NPLOC4: variants seen among roughly 807,000 people sequenced by gnomAD.
The protein encoded by NPLOC4 is NPL4 homolog, ubiquitin recognition factor.
NPLOC4 carries 18 observed loss-of-function variants against 80.6 expected under a neutral mutation model. The observed-to-expected ratio is 0.22, with a 90% confidence interval of 0.15 to 0.33. NPLOC4 has a LOEUF of 0.33. Among genes scored for constraint, NPLOC4 ranks in the 10% least tolerant of loss-of-function variants. The pLI, the probability that NPLOC4 is intolerant of heterozygous loss-of-function variation, is 1.00. For missense variants in NPLOC4, 540 were observed against 786.1 expected (o/e 0.69, Z 3.74); for synonymous variants, 313 against 301.5 (o/e 1.04, Z -0.39).
chr17:81,613,298 G>A lies in NPLOC4; in HGVS notation c.386+20C>T, dbSNP rs749834532. The A allele has an allele frequency of 6.2e-7, 1 of 1,601,284 alleles. No individual in the cohort carries two copies. Among genetic ancestry groups the A allele is most frequent in the African/African-American group, 1.3e-5 (1 of 74,248 alleles). On this transcript the variant is annotated intron_variant, in intron 4 of 16. Transcript: ENST00000331134. ...TAAGATCACCACAAGTAGGACCCTG[G>A]AATCTCATGGATCACTTACAGCTGT...
rs370550311 is a variant in NPLOC4, at chr17:81,596,156, G to A, written c.1080C>T (p.Asp360=). The change falls in exon 11 of 17, where the codon GAC becomes GAT. Residue 360 remains aspartate (D), a synonymous_variant. Coordinates refer to ENST00000331134, the MANE Select transcript of NPLOC4 (RefSeq NM_017921.4). ...TAACAAACTTGGATCCAAAATGTCC[G>A]TCTGGAGAGAGCCGGCACATGTTGG... ...KHPNMCRLSP[D]GHFGSKFVTA... 3.5e-5 allele frequency: 56 copies of A among 1,613,906 alleles called. No individual in the cohort carries two copies. Among genetic ancestry groups the A allele is most frequent in the Middle Eastern group, 1.6e-4 (1 of 6,062 alleles).
At chr17:81,595,259 C>G (rs554940412) in intron 11 of NPLOC4, among the ~76,000 whole-genome samples, 68 of 151,456 alleles carry the variant, frequency 4.5e-4, no homozygotes, top group Non-Finnish European at 5.9e-4. Context: ...CAAGGCAAAA[C>G]CCAGTCGCTA....
In NPLOC4 at chr17:81,559,353, G is replaced by C; in HGVS notation, c.1733C>G (p.Thr578Arg). ...ACAGGCCCACATGGCTGCAGTGGCC[G>C]TGTGTGTGGAGCCCCCGACGGCGCC... ...EYGAVGGSTHTATAAMWACQH... is the reference protein window; with the variant it reads ...EYGAVGGSTHRATAAMWACQH... The change falls in exon 17 of 17, where the codon ACG (threonine) becomes AGG (arginine). Residue 578 changes from threonine (T) to arginine (R), a missense_variant. Thr to Arg is a moderately conservative substitution (Grantham distance 71). Coordinates refer to ENST00000331134, the MANE Select transcript of NPLOC4 (RefSeq NM_017921.4). 2.5e-6 allele frequency: 4 copies of C among 1,607,758 alleles called. No individual in the cohort carries two copies. Among genetic ancestry groups the C allele is most frequent in the Non-Finnish European group, 3.4e-6 (4 of 1,177,496 alleles).
At chr17:81,563,713 G>C in intron 16 of NPLOC4, 1 of 311,976 alleles carries the variant, frequency 3.2e-6, no homozygotes, top group Non-Finnish European at 6.3e-6. Flanking sequence ...GCCAAAGTTT[G>C]AGACCAGTCT....
chr17:81,587,604 T>TG (rs1568133604), intron 12 of NPLOC4, among the ~76,000 whole-genome samples: 2 of 121,574 alleles, frequency 1.6e-5, no homozygotes, highest in Non-Finnish European at 3.3e-5. Flanking sequence ...CGTGAGCCAC[T>TG]GCGCCCAGCT....
At chr17:81,622,141 T>C (rs1463120776) in intron 3 of NPLOC4, 25 bp downstream of exon 3, 3 of 1,555,220 alleles carry the variant, frequency 1.9e-6, no homozygotes, top group Admixed American at 1.7e-5. Flanking sequence ...CCCCATTCCC[T>C]GCTTCCTCCT....
Position 81,622,039 on chromosome 17 carries a change from T to A in NPLOC4, c.209+127A>T, listed in dbSNP as rs918662656. ...TGGCAAGCAACACGGTCATGTGTAT[T>A]CTGGTCAGTTGATAAGACCATAATG... On this transcript the variant is annotated intron_variant, in intron 3 of 16. Coordinates refer to ENST00000331134, the MANE Select transcript of NPLOC4 (RefSeq NM_017921.4). 3.2e-5 allele frequency: 22 copies of A among 688,320 alleles called. No individual in the cohort carries two copies. In the African/African-American group the frequency reaches 3.9e-4, roughly 12 times the overall value. The allele number at this position is 688,320 out of a possible 1,614,324, so 42.6% of individuals were successfully genotyped here. A position where few individuals can be genotyped will look rare whatever the true frequency, so the allele number is the denominator to read the frequency against.
rs149342427 is a variant in NPLOC4 at position 81,585,284 on chromosome 17, G to T, written c.1281+3660C>A. Among the ~76,000 whole-genome samples the T allele has an allele frequency of 3.3e-5, 5 of 150,798 alleles. No homozygotes were observed. The South Asian group carries it at 6.3e-4, about 19-fold the overall frequency. On this transcript the variant is annotated intron_variant, in intron 12 of 16. Coordinates refer to ENST00000331134, the MANE Select transcript of NPLOC4 (RefSeq NM_017921.4). ...TCCATGATTCCTGGAGATGACCGAC[G>T]ACAGAGAAGCATCAAAGATTAAAAG...
chr17:81,635,783 C>T (rs942229429), intron 1 of NPLOC4, among the ~76,000 whole-genome samples: 1 of 152,144 alleles, frequency 6.6e-6, no homozygotes, highest in East Asian at 1.9e-4. Flanking sequence ...TTACTCTTCA[C>T]CCAATACTGC....
Position 81,567,810 on chromosome 17 carries a change from G to A in NPLOC4, c.1450-277C>T. ...AAGCTGACTCAGACTGGCCAGGTGT[G>A]GAGGCTAACACAGTAATTCCAGCAC... On this transcript the variant is annotated intron_variant, in intron 14 of 16. Coordinates refer to ENST00000331134, the MANE Select transcript of NPLOC4 (RefSeq NM_017921.4). This position sits in a 1 kb window ranked among gnomAD's most constrained non-coding sequence, Gnocchi z 4.5. 2.9e-6 allele frequency: 1 copy of A among 348,794 alleles called. No homozygotes were observed. 21.6% of individuals were successfully genotyped at this position (348,794 alleles called of 1,614,324 possible).
intron 3 of NPLOC4, among the ~76,000 whole-genome samples, chr17:81,615,102 T>TTCTTTTC (rs898716590): frequency 7.4e-6 from 1 of 135,916 alleles, no homozygotes; most frequent in Admixed American, 7.3e-5. Context: ...GTCTGTTTCT[T>TTCTTTTC]TTTTTTTTTT....
At chr17:81,630,953 A>G (rs1007294864) in intron 1 of NPLOC4, among the ~76,000 whole-genome samples, 6 of 151,566 alleles carry the variant, frequency 4.0e-5, no homozygotes, top group African/African-American at 1.5e-4. Flanking sequence ...CGGGCAGATC[A>G]CCTGAGGTCA....
At chr17:81,578,127 C>A (rs753396977) in intron 12 of NPLOC4, among the ~76,000 whole-genome samples, 1 of 152,202 alleles carries the variant, frequency 6.6e-6, no homozygotes, top group Non-Finnish European at 1.5e-5. Flanking sequence ...CGCCTCCAGA[C>A]CACCCCTCCT....
intron 1 of NPLOC4, among the ~76,000 whole-genome samples, chr17:81,633,127 C>CAAAAAAA (rs57190405): frequency 6.6e-5 from 7 of 105,710 alleles, no homozygotes; most frequent in East Asian, 2.4e-4. Flanking sequence ...GACTCCGTCT[C>CAAAAAAA]AAAAAAAAAA....
At chr17:81,593,537 CTA>C (rs1179403753) in intron 11 of NPLOC4, among the ~76,000 whole-genome samples, 2 of 152,046 alleles carry the variant, frequency 1.3e-5, no homozygotes, top group African/African-American at 4.8e-5. Flanking sequence ...CCTACATTAA[CTA>C]TGTTACCCAT....
rs1393982264 is a variant in NPLOC4, at chr17:81,617,989, C to T, written c.209+4177G>A. Among the ~76,000 whole-genome samples the T allele has an allele frequency of 7.2e-5, 11 of 152,254 alleles. No individual in the cohort carries two copies. In the South Asian group the frequency reaches 1.2e-3, roughly 17 times the overall value. On this transcript the variant is annotated intron_variant, in intron 3 of 16. Transcript: ENST00000331134. Reference sequence around the variant, plus strand: ...TGGTGCCCAGGCTGGAGTGCAGTGGCGTGATCTCGGCTCGCTACAACCTCT... The same window carrying T: ...TGGTGCCCAGGCTGGAGTGCAGTGGTGTGATCTCGGCTCGCTACAACCTCT...
Position 81,608,834 on chromosome 17 carries a change from C to CA in NPLOC4, c.436-13dup, listed in dbSNP as rs773505341. On this transcript the variant is annotated splice_polypyrimidine_tract_variant and intron_variant, in intron 5 of 16. Coordinates refer to ENST00000331134, the MANE Select transcript of NPLOC4 (RefSeq NM_017921.4). ...TCCTCATCGAATGGCTGCCAAGACA[C>CA]AGAGTAAGCGAGTGCAGTCTCACAC... is the stretch of plus-strand genomic sequence containing the variant. 1.3e-6 allele frequency: 2 copies of CA among 1,565,656 alleles called. No individual in the cohort carries two copies. The highest frequency in any genetic ancestry group is 4.7e-5 in the East Asian group (2 of 42,424).
chr17:81,575,348 G>A (rs764105395), intron 12 of NPLOC4, among the ~76,000 whole-genome samples: 38 of 152,268 alleles, frequency 2.5e-4, no homozygotes, highest in East Asian at 3.9e-4. Flanking sequence ...TGATCCACCC[G>A]CCTTGGCCTC....
chr17:81,569,146 G>T, intron 13 of NPLOC4, 35 bp from the exon 14 acceptor site: 1 of 1,451,576 alleles, frequency 6.9e-7, no homozygotes, highest in Non-Finnish European at 9.7e-7. Context: ...TGATAAATGA[G>T]GCTGAAAATG....
Sources: gnomAD v4.1 joint callset for allele counts (sites outside exome capture counted in the v4.1 genomes callset) on GRCh38, gnomAD v4.1.1 for gene constraint, Gnocchi (gnomAD v3.1) non-coding constraint, MANE v1.5 for transcripts, NCBI Gene and HGNC (gene_info 2026-07-23, HGNC 2026-07-21) for gene names.